ERP29: variants seen among roughly 807,000 people sequenced by gnomAD.
The protein encoded by ERP29 is endoplasmic reticulum protein 29.
A neutral mutation model predicts 21.7 loss-of-function variants in ERP29; 14 were observed. The ratio of observed to expected loss-of-function variants is 0.64; its 90% confidence interval spans 0.43 to 1.01. The LOEUF is 1.01. Ranked by LOEUF, ERP29 falls within the 50% of genes least tolerant of loss-of-function variation. The probability of loss-of-function intolerance (pLI) is 0.00; values close to 1 mark genes in which losing one functional copy is unlikely to be tolerated. For synonymous variants in ERP29, 129 were observed against 139.1 expected (o/e 0.93, Z 0.51); for missense variants, 286 against 327.3 (o/e 0.87, Z 0.97).
intron 1 of ERP29, among the ~76,000 whole-genome samples, chr12:112,014,048 C>T (rs1049190213): frequency 6.6e-6 from 1 of 152,218 alleles, no homozygotes; most frequent in Non-Finnish European, 1.5e-5. Flanking sequence ...GCCTGCGTGT[C>T]CGCGCCCCTC....
At chr12:112,016,881 C>G (rs1173458857) in intron 1 of ERP29, among the ~76,000 whole-genome samples, 4 of 151,826 alleles carry the variant, frequency 2.6e-5, no homozygotes, top group African/African-American at 9.7e-5. Context: ...CAGAGCGAGA[C>G]CCTGCCTCAA....
chr12:112,022,646 G>C lies in ERP29; in HGVS notation c.780G>C (p.Glu260Asp). 6.2e-7 allele frequency: 1 copy of C among 1,605,492 alleles called. No homozygotes were observed. The highest frequency in any genetic ancestry group is 8.5e-7 in the Non-Finnish European group (1 of 1,176,010). ...AFQKKGAEKE[E>D]L ...AGAAGAAGGGGGCCGAGAAAGAGGA[G>C]CTGTAAAAAGGCTGTCTGTGATTTT... Residue 260 changes from glutamate to aspartate, a missense_variant, in exon 3 of 3, where the codon GAG (glutamate) becomes GAC (aspartate). Coordinates refer to ENST00000261735, the MANE Select transcript of ERP29 (RefSeq NM_006817.4).
At chr12:112,014,412 C>T (rs1362588337) in intron 1 of ERP29, among the ~76,000 whole-genome samples, 1 of 152,210 alleles carries the variant, frequency 6.6e-6, no homozygotes, top group Non-Finnish European at 1.5e-5. Flanking sequence ...AGGTTCATGT[C>T]GAAACCACCC....
chr12:112,019,381 G>T (rs370167487), intron 1 of ERP29: 177 of 286,690 alleles, frequency 6.2e-4, no homozygotes, highest in African/African-American at 3.6e-3. Flanking sequence ...CTTGTTCAGG[G>T]TTTACTGCGA....
Position 112,022,725 on chromosome 12 carries a change from C to A in ERP29, c.*73C>A. On this transcript the variant is annotated 3_prime_UTR_variant, in exon 3 of 3. Transcript: ENST00000261735. ...GAGTTAACCTGCTGGCTGTGAGTCC[C>A]TTGTGGAATATAAGGGGGTAGTGGG... 6.8e-7 allele frequency: 1 copy of A among 1,475,216 alleles called. No homozygotes were observed. The highest frequency in any genetic ancestry group is 9.1e-7 in the Non-Finnish European group (1 of 1,099,350). 91.4% of individuals were successfully genotyped at this position (1,475,216 alleles called of 1,614,324 possible). A position where few individuals can be genotyped will look rare whatever the true frequency, so the allele number is the denominator to read the frequency against.
Position 112,013,427 on chromosome 12 carries a change from C to A in ERP29, c.-39C>A. On this transcript the variant is annotated 5_prime_UTR_variant, in exon 1 of 3. Coordinates refer to ENST00000261735, the MANE Select transcript of ERP29 (RefSeq NM_006817.4). ...GACCGCTGACTCGGGGCGTTCTCCACTATCGCTTACCTACCTCCCTCTGCA... is the reference window on the plus strand; with the variant it reads ...GACCGCTGACTCGGGGCGTTCTCCAATATCGCTTACCTACCTCCCTCTGCA... The A allele has an allele frequency of 1.9e-6, 3 of 1,585,290 alleles. No homozygotes were observed. The highest frequency in any genetic ancestry group is 2.6e-6 in the Non-Finnish European group (3 of 1,166,504).
rs765042876 is a variant in ERP29, at chr12:112,013,458, C to T, written c.-8C>T. 3 of 1,608,086 alleles carry T rather than the reference C, an allele frequency of 1.9e-6. No homozygotes were observed. The highest frequency in any genetic ancestry group is 2.5e-6 in the Non-Finnish European group (3 of 1,177,140). Reference sequence around the variant, plus strand: ...CTTACCTACCTCCCTCTGCAGGAACCCGGCGATATGGCTGCCGCTGTGCCC... The same window carrying T: ...CTTACCTACCTCCCTCTGCAGGAACTCGGCGATATGGCTGCCGCTGTGCCC... On this transcript the variant is annotated 5_prime_UTR_variant, in exon 1 of 3. Coordinates refer to ENST00000261735, the MANE Select transcript of ERP29 (RefSeq NM_006817.4).
rs561392506 is a variant in ERP29, at chr12:112,022,641, G to C, written c.775G>C (p.Glu259Gln). The change falls in exon 3 of 3, where the codon GAG becomes CAG. Residue 259 changes from glutamate to glutamine, a missense_variant. Transcript: ENST00000261735. Reference sequence around the variant, plus strand: ...CTTCCAGAAGAAGGGGGCCGAGAAAGAGGAGCTGTAAAAAGGCTGTCTGTG... The same window carrying C: ...CTTCCAGAAGAAGGGGGCCGAGAAACAGGAGCTGTAAAAAGGCTGTCTGTG... ...TAFQKKGAEK[E>Q]EL is the part of the protein sequence containing the mutation. 5.0e-6 allele frequency: 8 copies of C among 1,608,050 alleles called. No homozygotes were observed. The highest frequency in any genetic ancestry group is 5.9e-6 in the Non-Finnish European group (7 of 1,177,120).
chr12:112,013,904 A>G (rs1236150344), intron 1 of ERP29, among the ~76,000 whole-genome samples: 1 of 152,284 alleles, frequency 6.6e-6, no homozygotes, highest in East Asian at 1.9e-4. Flanking sequence ...ACCTGTGGGG[A>G]GAGGGCGGTG....
rs1281544288 is a variant in ERP29 at position 112,019,742 on chromosome 12, C to G, written c.145-14C>G. 2.5e-6 allele frequency: 4 copies of G among 1,613,964 alleles called. No individual in the cohort carries two copies. The highest frequency in any genetic ancestry group is 3.4e-6 in the Non-Finnish European group (4 of 1,179,982). On this transcript the variant is annotated splice_polypyrimidine_tract_variant and intron_variant, in intron 1 of 2. Coordinates refer to ENST00000261735, the MANE Select transcript of ERP29 (RefSeq NM_006817.4). ...CCCTGGAACACCCACTTGCTCAGCT[C>G]TATACGCCCTCAGGTCATTCCCAAA...
chr12:112,020,993 C>T (rs776962605), intron 2 of ERP29, among the ~76,000 whole-genome samples: 15 of 152,290 alleles, frequency 9.8e-5, no homozygotes, highest in East Asian at 1.9e-4. Flanking sequence ...AGCCGTTTCT[C>T]GGCAAAGTGT....
In ERP29 at chr12:112,022,395, C is replaced by T. The variant is rs375311941; in HGVS notation, c.529C>T (p.Arg177Cys). The T allele has an allele frequency of 6.8e-6, 11 of 1,614,128 alleles. No homozygotes were observed. Among genetic ancestry groups the T allele is most frequent in the East Asian group, 2.2e-5 (1 of 44,876 alleles). Reference protein sequence around the residue: ...EFIRASGVEARQALLKQGQDN... With the variant: ...EFIRASGVEACQALLKQGQDN... ...CATCAGGGCCTCTGGTGTGGAGGCC[C>T]GCCAGGCCCTCTTGAAGCAGGGGCA... Residue 177 changes from arginine to cysteine, a missense_variant, in exon 3 of 3, where the codon CGC (arginine) becomes TGC (cysteine). Arg to Cys is a radical substitution (Grantham distance 180, BLOSUM62 -3). Coordinates refer to ENST00000261735, the MANE Select transcript of ERP29 (RefSeq NM_006817.4).
chr12:112,015,805 C>G (rs868210630), intron 1 of ERP29, among the ~76,000 whole-genome samples: 5 of 152,216 alleles, frequency 3.3e-5, no homozygotes, highest in South Asian at 2.1e-4. Context: ...CTCCTGGCTT[C>G]CCTCTCATCT....
chr12:112,019,497 C>T, intron 1 of ERP29: 1 of 493,432 alleles, frequency 2.0e-6, no homozygotes, highest in Non-Finnish European at 3.7e-6. Flanking sequence ...AGTATGTCTG[C>T]AGCCTTGTTT....
rs1016872850 is a variant in ERP29 at position 112,023,289 on chromosome 12, A to G, written c.*637A>G. ...ATTTTCCATGCTTTGTGAGGTACAC[A>G]TAGCAAATTCTTAGTTTTACTGATA... On this transcript the variant is annotated 3_prime_UTR_variant, in exon 3 of 3. Coordinates refer to ENST00000261735, the MANE Select transcript of ERP29 (RefSeq NM_006817.4). 6 of 152,254 alleles carry G rather than the reference A, an allele frequency of 3.9e-5. No homozygotes were observed. Among genetic ancestry groups the G allele is most frequent in the African/African-American group, 1.2e-4 (5 of 41,470 alleles). The allele number at this position is 152,254 out of a possible 1,614,324, so 9.4% of individuals were successfully genotyped here.
chr12:112,019,922 G>A (rs772727483), intron 2 of ERP29, 28 bp downstream of exon 2: 3 of 1,612,634 alleles, frequency 1.9e-6, no homozygotes, highest in South Asian at 1.1e-5. Context: ...ACGGCTGGGG[G>A]GGCAGAGAGG....
chr12:112,019,931 G>A, intron 2 of ERP29, 37 bp downstream of exon 2: 1 of 1,611,972 alleles, frequency 6.2e-7, no homozygotes, highest in Non-Finnish European at 8.5e-7. Flanking sequence ...GGGGCAGAGA[G>A]GGAGGAAGCT....
At chr12:112,015,674 C>G (rs2078007566) in intron 1 of ERP29, among the ~76,000 whole-genome samples, 1 of 152,044 alleles carries the variant, frequency 6.6e-6, no homozygotes, top group Non-Finnish European at 1.5e-5. Flanking sequence ...CGCCATAAAG[C>G]TAACAGTGTT....
chr12:112,017,848 G>T (rs373067226), intron 1 of ERP29, among the ~76,000 whole-genome samples: 2 of 146,234 alleles, frequency 1.4e-5, no homozygotes, highest in South Asian at 4.3e-4. Context: ...GCAGTGGCGC[G>T]ATCTCGGCTC....
Sources: allele counts gnomAD v4.1 joint callset (sites outside exome capture counted in the v4.1 genomes callset), GRCh38; gene constraint gnomAD v4.1.1; transcripts MANE v1.5; gene names NCBI Gene and HGNC (gene_info 2026-07-23, HGNC 2026-07-21).